The following NRG1 variants were observed in gnomAD, a reference collection of about 807,000 sequenced individuals.
The protein encoded by NRG1 is pro-neuregulin-1, membrane-bound isoform.
A neutral mutation model predicts 63.8 loss-of-function variants in NRG1; 18 were observed. The ratio of observed to expected loss-of-function variants is 0.28; its 90% CI spans 0.19 to 0.42. The LOEUF (loss-of-function observed/expected upper bound fraction) is 0.42, where lower values mean the gene tolerates loss of function less well. Among genes scored for constraint, NRG1 ranks in the 10% least tolerant of loss-of-function variants. The pLI, the probability that NRG1 is intolerant of heterozygous loss-of-function variation, is 1.00. For missense variants in NRG1, 762 were observed against 814.7 expected, an observed-to-expected ratio of 0.94 and a Z score of 0.79; for synonymous variants, 302 against 301.3, an observed-to-expected ratio of 1.00 and a Z score of -0.02.
chr8:32,479,392 G>A (rs1057406638), intron 1 of NRG1, among the ~76,000 whole-genome samples: 2 of 151,998 alleles, frequency 1.3e-5, no homozygotes, highest in Non-Finnish European at 2.9e-5. Context: ...CAGGAGAGTC[G>A]CTTGAACCTG....
intron 1 of NRG1, among the ~76,000 whole-genome samples, chr8:32,568,653 A>G (rs1261871948): frequency 6.6e-6 from 1 of 152,194 alleles, no homozygotes; most frequent in Non-Finnish European, 1.5e-5. Context: ...AGGGCCCGGC[A>G]TCCTGTGTTT....
intron 1 of NRG1, among the ~76,000 whole-genome samples, chr8:32,010,253 G>A (rs1814528550): frequency 6.6e-6 from 1 of 152,014 alleles, no homozygotes; most frequent in Admixed American, 6.6e-5. Flanking sequence ...GGTCCAACAT[G>A]CAGTATCCTA....
At chr8:32,321,269 A>T (rs535181482) in intron 1 of NRG1, among the ~76,000 whole-genome samples, 2 of 152,300 alleles carry the variant, frequency 1.3e-5, no homozygotes, top group South Asian at 4.1e-4. Context: ...AACTTGCCTT[A>T]CTATAACTTG....
At chr8:31,714,907 G>GT (rs1482366550) in intron 1 of NRG1, among the ~76,000 whole-genome samples, 1 of 152,062 alleles carries the variant, frequency 6.6e-6, no homozygotes, top group African/African-American at 2.4e-5. Flanking sequence ...TGTAACTTTA[G>GT]TAGCCTTGTG....
At chr8:31,964,062 A>G (rs1285876732) in intron 1 of NRG1, among the ~76,000 whole-genome samples, 3 of 152,196 alleles carry the variant, frequency 2.0e-5, no homozygotes, top group Admixed American at 6.5e-5. Context: ...AGATGACACC[A>G]GTCTGTAACT....
chr8:32,004,402 C>T (rs1216984330), intron 1 of NRG1, among the ~76,000 whole-genome samples: 2 of 147,600 alleles, frequency 1.4e-5, no homozygotes, highest in Non-Finnish European at 3.0e-5. Context: ...AAACTATGAC[C>T]TTTAATTAGT....
At chr8:32,003,507 G>T (rs1375532440) in intron 1 of NRG1, among the ~76,000 whole-genome samples, 1 of 151,664 alleles carries the variant, frequency 6.6e-6, no homozygotes, top group Non-Finnish European at 1.5e-5. Flanking sequence ...TATAAGGAAA[G>T]GACAAACAAA....
At chr8:32,415,698 A>C (rs976707504) in intron 1 of NRG1, among the ~76,000 whole-genome samples, 2 of 152,058 alleles carry the variant, frequency 1.3e-5, no homozygotes, top group Admixed American at 1.3e-4. Flanking sequence ...TTCCATGTAC[A>C]CTTCATTCCC....
chr8:32,646,929 G>C (rs991114958), intron 5 of NRG1: 2 of 979,478 alleles, frequency 2.0e-6, no homozygotes, highest in Admixed American at 1.2e-4. Context: ...GAGGAGAGAG[G>C]ACGGGCTTGG....
chr8:32,255,724 C>G (rs1849626195), intron 1 of NRG1, among the ~76,000 whole-genome samples: 1 of 152,114 alleles, frequency 6.6e-6, no homozygotes, highest in African/African-American at 2.4e-5. Context: ...TTATGGTGTT[C>G]TCTGTATTTC....
At chr8:32,645,980 G>A (rs1393412727) in intron 5 of NRG1, among the ~76,000 whole-genome samples, 2 of 152,208 alleles carry the variant, frequency 1.3e-5, no homozygotes, top group Admixed American at 6.5e-5. Flanking sequence ...ACTCTTCTTA[G>A]TACTTTCAGT....
At chr8:32,258,702 G>A (rs558971967) in intron 1 of NRG1, among the ~76,000 whole-genome samples, 1 of 152,172 alleles carries the variant, frequency 6.6e-6, no homozygotes, top group Admixed American at 6.5e-5. Flanking sequence ...ACTATCACAA[G>A]GTTTTTTGCA....
At chr8:32,566,093 C>T (rs530105255) in intron 1 of NRG1, among the ~76,000 whole-genome samples, 229 of 152,232 alleles carry the variant, frequency 1.5e-3, no homozygotes, top group Non-Finnish European at 2.1e-3. Flanking sequence ...GTGGCTCATG[C>T]CTGTAATCCC....
At chr8:31,866,758 C>T (rs16878384) in intron 1 of NRG1, among the ~76,000 whole-genome samples, 22,949 of 151,982 alleles carry the variant, frequency 0.15, 2,058 homozygotes, top group Non-Finnish European at 0.19. Context: ...TGTAGAATTC[C>T]CTCTGCATGC....
intron 1 of NRG1, among the ~76,000 whole-genome samples, chr8:32,176,552 G>A (rs1840754374): frequency 6.6e-6 from 1 of 152,138 alleles, no homozygotes; most frequent in Non-Finnish European, 1.5e-5. Context: ...CCTACAGAAT[G>A]GGAGAAAATT....
intron 1 of NRG1, chr8:31,639,707 A>T: frequency 7.2e-7 from 1 of 1,384,718 alleles, no homozygotes. Flanking sequence ...CACTCCCTGT[A>T]ACTGAGGCGG....
chr8:32,706,158 C>A (rs779246550), intron 5 of NRG1, among the ~76,000 whole-genome samples: 1 of 152,186 alleles, frequency 6.6e-6, no homozygotes, highest in Non-Finnish European at 1.5e-5. Context: ...ATCTTTGTCT[C>A]TAATGGATCT....
At chr8:32,243,836 T>C (rs1405486638) in intron 1 of NRG1, among the ~76,000 whole-genome samples, 1 of 152,052 alleles carries the variant, frequency 6.6e-6, no homozygotes, top group Non-Finnish European at 1.5e-5. Context: ...GGCCAAAGCC[T>C]CCTCTCTCTC....
At chr8:32,070,653 C>G (rs896972196) in intron 1 of NRG1, among the ~76,000 whole-genome samples, 3 of 152,224 alleles carry the variant, frequency 2.0e-5, no homozygotes, top group African/African-American at 7.2e-5. Flanking sequence ...ATTCACCTCT[C>G]TCTGTTCCCA....
Sources: gnomAD v4.1 joint callset for allele counts (sites outside exome capture counted in the v4.1 genomes callset) on GRCh38, gnomAD v4.1.1 for gene constraint, MANE v1.5 for transcripts, NCBI Gene and HGNC (gene_info 2026-07-23, HGNC 2026-07-21) for gene names.